ZDHHC18: variants seen among roughly 807,000 people sequenced by gnomAD.
ZDHHC18 encodes the protein zDHHC palmitoyltransferase 18, also known as palmitoyltransferase ZDHHC18.
ZDHHC18 carries 23 observed loss-of-function variants against 37.5 expected under a neutral mutation model. The observed-to-expected ratio is 0.61, with a 90% CI of 0.44 to 0.87. The LOEUF (loss-of-function observed/expected upper bound fraction) is 0.87, where lower values mean the gene tolerates loss of function less well. ZDHHC18 is among the 40% of genes least tolerant of loss of function. The pLI, the probability that ZDHHC18 is intolerant of heterozygous loss-of-function variation, is 0.00. For missense variants in ZDHHC18, 406 were observed against 525.6 expected (o/e 0.77, Z 2.22); for synonymous variants, 185 against 218.7 (o/e 0.85, Z 1.36).
rs919742780 is a variant in ZDHHC18, at chr1:26,826,745, C to G, written c.-60C>G. 272 of 862,084 alleles carry G rather than the reference C, an allele frequency of 3.2e-4. 1 individual carries two copies. Among genetic ancestry groups the G allele is most frequent in the Non-Finnish European group, 3.7e-4 (268 of 719,644 alleles). The allele number at this position is 862,084 out of a possible 1,614,324, so 53.4% of individuals were successfully genotyped here. The stretch of plus-strand genomic sequence containing the variant: ...CCGCTGCCACCTCCGCTGCTCGGCC[C>G]GGTCCCGGAGTGGCCCGGCCGGCCC... On this transcript the variant is annotated 5_prime_UTR_variant, in exon 1 of 8. Transcript: ENST00000374142. The surrounding 1 kb of genome is among the most constrained non-coding windows in gnomAD (Gnocchi z 5.2).
chr1:26,826,909 C>T lies in ZDHHC18; in HGVS notation c.105C>T (p.Pro35=), dbSNP rs2081559587. 1.0e-6 allele frequency: 1 copy of T among 989,728 alleles called. No homozygotes were observed. Among genetic ancestry groups the T allele is most frequent in the Non-Finnish European group, 1.2e-6 (1 of 834,568 alleles). The allele number at this position is 989,728 out of a possible 1,614,324, so 61.3% of individuals were successfully genotyped here. Residue 35 remains proline, a synonymous_variant, in exon 1 of 8, where the codon CCC becomes CCT. Transcript: ENST00000374142. The surrounding 1 kb of genome is among the most constrained non-coding windows in gnomAD (Gnocchi z 5.2). ...CCGCCGCGTCCCCGACTCCGGGCCC[C>T]GGGCCCGCGCCGCCCGCCGCCCCCG... is the stretch of plus-strand genomic sequence containing the variant. ...PGPAASPTPG[P]GPAPPAAPAP...
rs2081560726 is a variant in ZDHHC18, at chr1:26,827,016, A to C, written c.212A>C (p.Glu71Ala). 2 of 1,272,500 alleles carry C rather than the reference A, an allele frequency of 1.6e-6. No homozygotes were observed. The highest frequency in any genetic ancestry group is 2.6e-5 in the South Asian group (1 of 37,960). The allele number at this position is 1,272,500 out of a possible 1,614,324, so 78.8% of individuals were successfully genotyped here. A position where few individuals can be genotyped will look rare whatever the true frequency, so the allele number is the denominator to read the frequency against. The change falls in exon 1 of 8, where the codon GAG becomes GCG. Residue 71 changes from glutamate (E) to alanine (A), a missense_variant. Coordinates refer to ENST00000374142, the MANE Select transcript of ZDHHC18 (RefSeq NM_032283.3). ...SLGRRPRRKW[E>A]VFPGRNRFYC... The stretch of plus-strand genomic sequence containing the variant: ...GGCCGCCGCCCACGGCGCAAGTGGG[A>C]GGTGTTCCCGGGTCGCAATCGCTTC...
rs1242420713 is a variant in ZDHHC18 at position 26,855,415 on chromosome 1, T to C, written c.*1572T>C. On this transcript the variant is annotated 3_prime_UTR_variant, in exon 8 of 8. Coordinates refer to ENST00000374142, the MANE Select transcript of ZDHHC18 (RefSeq NM_032283.3). ...TGTAGTTTCTTATCAAAATAGATAT[T>C]GTTCCACCATCCCCCTCCTTGGCCC... 6.5e-6 allele frequency: 1 copy of C among 152,704 alleles called. No individual in the cohort carries two copies. Among genetic ancestry groups the C allele is most frequent in the Non-Finnish European group, 1.5e-5 (1 of 68,084 alleles). The allele number at this position is 152,704 out of a possible 1,614,324, so 9.5% of individuals were successfully genotyped here.
chr1:26,831,835 G>T (rs1282878402), intron 1 of ZDHHC18, among the ~76,000 whole-genome samples: 1 of 152,140 alleles, frequency 6.6e-6, no homozygotes, highest in African/African-American at 2.4e-5. Flanking sequence ...TCTTCAGGTT[G>T]GAGCTTAGGA....
At chr1:26,832,819 G>GC (rs2081594249) in intron 2 of ZDHHC18, among the ~76,000 whole-genome samples, 8 of 152,344 alleles carry the variant, frequency 5.3e-5, no homozygotes, top group Middle Eastern at 3.4e-3. Flanking sequence ...GCCAGCAAAG[G>GC]CCCCGATGGC....
chr1:26,826,972 C>G lies in ZDHHC18; in HGVS notation c.168C>G (p.Gly56=), dbSNP rs568455037. The change falls in exon 1 of 8, where the codon GGC becomes GGG. Residue 56 remains glycine, a synonymous_variant. Transcript: ENST00000374142. This position sits in a 1 kb window ranked among gnomAD's most constrained non-coding sequence, Gnocchi z 5.2. ...PRWSSSGSGS[G]SGSGSLGRRP... Reference sequence around the variant, plus strand: ...GGAGCAGCAGCGGCAGCGGCAGCGGCAGCGGGAGCGGGAGCCTCGGCCGCC... The same window carrying G: ...GGAGCAGCAGCGGCAGCGGCAGCGGGAGCGGGAGCGGGAGCCTCGGCCGCC... The G allele has an allele frequency of 3.6e-4, 441 of 1,216,192 alleles. 1 individual carries two copies. The African/African-American group carries it at 3.7e-3, about 10-fold the overall frequency. 75.3% of individuals were successfully genotyped at this position (1,216,192 alleles called of 1,614,324 possible). A position where few individuals can be genotyped will look rare whatever the true frequency, so the allele number is the denominator to read the frequency against.
chr1:26,853,117 G>A (rs1181760772), intron 7 of ZDHHC18: 4 of 395,546 alleles, frequency 1.0e-5, no homozygotes, highest in African/African-American at 2.0e-5. Flanking sequence ...TCTACTCCCC[G>A]GGGGTAGCCA....
chr1:26,848,571 T>C (rs757160629), intron 2 of ZDHHC18, 37 bp from the exon 3 acceptor site: 2 of 1,596,590 alleles, frequency 1.3e-6, no homozygotes, highest in Admixed American at 1.7e-5. Flanking sequence ...CTGGGCTGCC[T>C]TGGGCATTCC....
At chr1:26,842,613 A>C (rs2081644655) in intron 2 of ZDHHC18, among the ~76,000 whole-genome samples, 1 of 152,240 alleles carries the variant, frequency 6.6e-6, no homozygotes, top group East Asian at 1.9e-4. Flanking sequence ...CAGGGTTCAG[A>C]GTGTGGCCAT....
At chr1:26,839,749 T>G (rs2081629133) in intron 2 of ZDHHC18, among the ~76,000 whole-genome samples, 1 of 152,218 alleles carries the variant, frequency 6.6e-6, no homozygotes, top group African/African-American at 2.4e-5. Context: ...TGGTCAGGAA[T>G]GGAGAGTGGA....
rs752549119 is a variant in ZDHHC18 at position 26,850,524 on chromosome 1, C to G, written c.785-34C>G. On this transcript the variant is annotated intron_variant, in intron 4 of 7. Coordinates refer to ENST00000374142, the MANE Select transcript of ZDHHC18 (RefSeq NM_032283.3). This position sits in a 1 kb window ranked among gnomAD's most constrained non-coding sequence, Gnocchi z 6.1. ...GCAAGCTTCAGCAGTCACTGTCCCTCTGAGCTTGTCCTCTCCTGTTTCTTT... is the reference window on the plus strand; with the variant it reads ...GCAAGCTTCAGCAGTCACTGTCCCTGTGAGCTTGTCCTCTCCTGTTTCTTT... 1 of 1,614,092 alleles carries G rather than the reference C, an allele frequency of 6.2e-7. No individual in the cohort carries two copies. Among genetic ancestry groups the G allele is most frequent in the Non-Finnish European group, 8.5e-7 (1 of 1,180,038 alleles).
rs535521663 is a variant in ZDHHC18 at position 26,856,492 on chromosome 1, C to T, written c.*2649C>T. On this transcript the variant is annotated 3_prime_UTR_variant, in exon 8 of 8. Transcript: ENST00000374142. The surrounding 1 kb of genome is among the most constrained non-coding windows in gnomAD (Gnocchi z 5.2). ...CCATTGTGGACTGAGGAAGTAGCTTCTCGCAGAGCAGCTCTCCAGCTGGAA... is the reference window on the plus strand; with the variant it reads ...CCATTGTGGACTGAGGAAGTAGCTTTTCGCAGAGCAGCTCTCCAGCTGGAA... The T allele has an allele frequency of 1.2e-4, 29 of 244,636 alleles. No homozygotes were observed. The highest frequency in any genetic ancestry group is 7.1e-4 in the South Asian group (19 of 26,682). The allele number at this position is 244,636 out of a possible 1,614,324, so 15.2% of individuals were successfully genotyped here.
rs934433041 is a variant in ZDHHC18 at position 26,850,075 on chromosome 1, G to A, written c.647-226G>A. Among the ~76,000 whole-genome samples the A allele has an allele frequency of 2.6e-5, 4 of 152,228 alleles. No individual in the cohort carries two copies. Among genetic ancestry groups the A allele is most frequent in the East Asian group, 3.8e-4 (2 of 5,206 alleles). ...AAGGAGGTGGCTTTGCAGCTGAGAC[G>A]CGAAGGAGAAGTTCCAGTTAACCAG... On this transcript the variant is annotated intron_variant, in intron 3 of 7. Coordinates refer to ENST00000374142, the MANE Select transcript of ZDHHC18 (RefSeq NM_032283.3). This position sits in a 1 kb window ranked among gnomAD's most constrained non-coding sequence, Gnocchi z 6.1.
intron 2 of ZDHHC18, among the ~76,000 whole-genome samples, chr1:26,840,177 T>TGGGATTCCACTG (rs1553157747): frequency 6.6e-6 from 1 of 152,204 alleles, no homozygotes; most frequent in Non-Finnish European, 1.5e-5. Flanking sequence ...GGAAGACCTG[T>TGGGATTCCACTG]GGGATTCCAC....
intron 2 of ZDHHC18, among the ~76,000 whole-genome samples, chr1:26,848,242 G>A (rs370991554): frequency 6.6e-6 from 1 of 152,036 alleles, no homozygotes; most frequent in Non-Finnish European, 1.5e-5. Flanking sequence ...AACCTGCGAG[G>A]TGGAGGTTGC....
chr1:26,848,587 T>C (rs775105255), intron 2 of ZDHHC18, 21 bp from the exon 3 acceptor site: 1 of 1,601,018 alleles, frequency 6.2e-7, no homozygotes, highest in East Asian at 2.3e-5. Context: ...ATTCCCCATC[T>C]TTCTCTCCTC....
chr1:26,846,193 C>T (rs116491347), intron 2 of ZDHHC18, among the ~76,000 whole-genome samples: 21,969 of 126,620 alleles, frequency 0.17, 1,793 homozygotes, highest in African/African-American at 0.21. Flanking sequence ...TATCTATATA[C>T]ATACATATAT....
In ZDHHC18 at chr1:26,826,971, G is replaced by T; in HGVS notation, c.167G>T (p.Gly56Val). 1.6e-6 allele frequency: 2 copies of T among 1,219,640 alleles called. No homozygotes were observed. The highest frequency in any genetic ancestry group is 2.0e-6 in the Non-Finnish European group (2 of 980,194). 75.6% of individuals were successfully genotyped at this position (1,219,640 alleles called of 1,614,324 possible). A position where few individuals can be genotyped will look rare whatever the true frequency, so the allele number is the denominator to read the frequency against. Residue 56 changes from glycine (G) to valine (V), a missense_variant, in exon 1 of 8, where the codon GGC becomes GTC. Gly to Val is a moderately radical substitution (Grantham distance 109). Transcript: ENST00000374142. The surrounding 1 kb of genome is among the most constrained non-coding windows in gnomAD (Gnocchi z 5.2). ...PRWSSSGSGS[G>V]SGSGSLGRRP... Reference sequence around the variant, plus strand: ...TGGAGCAGCAGCGGCAGCGGCAGCGGCAGCGGGAGCGGGAGCCTCGGCCGC... The same window carrying T: ...TGGAGCAGCAGCGGCAGCGGCAGCGTCAGCGGGAGCGGGAGCCTCGGCCGC...
At chr1:26,848,901 C>G in intron 3 of ZDHHC18, 144 bp downstream of exon 3, 4 of 1,281,422 alleles carry the variant, frequency 3.1e-6, no homozygotes, top group Non-Finnish European at 2.1e-6. Context: ...CCCAGATTTG[C>G]CCTGACTCAG....
Sources: gnomAD v4.1 joint callset for allele counts (sites outside exome capture counted in the v4.1 genomes callset) on GRCh38, gnomAD v4.1.1 for gene constraint, Gnocchi (gnomAD v3.1) non-coding constraint, MANE v1.5 for transcripts, NCBI Gene and HGNC (gene_info 2026-07-23, HGNC 2026-07-21) for gene names.